TP63: variants seen among roughly 807,000 people sequenced by gnomAD.
TP63 encodes tumor protein p63.
In TP63, 17 loss-of-function variants were observed where a neutral mutation model predicts 82.8. That is an observed-to-expected ratio of 0.21 (90% CI 0.14 to 0.31). The LOEUF is 0.31. Ranked by LOEUF, TP63 falls within the 10% of genes least tolerant of loss-of-function variation. The pLI is 1.00. For missense variants in TP63, 648 were observed against 895.3 expected (o/e 0.72, Z 3.52); for synonymous variants, 330 against 321.7 (o/e 1.03, Z -0.28).
intron 1 of TP63, among the ~76,000 whole-genome samples, chr3:189,697,093 T>G (rs1186489869): frequency 6.6e-6 from 1 of 152,012 alleles, no homozygotes; most frequent in Non-Finnish European, 1.5e-5. Flanking sequence ...ATCTAAAAAT[T>G]TATTATCAAA....
chr3:189,625,641 C>T, the TP63 span, among the ~76,000 whole-genome samples: 3 of 151,972 alleles, frequency 2.0e-5, no homozygotes, highest in African/African-American at 7.3e-5. Flanking sequence ...AGGAAATACA[C>T]ACTGAGACAT....
chr3:189,869,891 G>A (rs1294105595), intron 9 of TP63, among the ~76,000 whole-genome samples: 1 of 152,106 alleles, frequency 6.6e-6, no homozygotes, highest in Non-Finnish European at 1.5e-5. Flanking sequence ...AGGGGAGACG[G>A]TTGAGAGCTG....
At chr3:189,781,229 A>G (rs933342519) in intron 3 of TP63, among the ~76,000 whole-genome samples, 1 of 152,214 alleles carries the variant, frequency 6.6e-6, no homozygotes, top group African/African-American at 2.4e-5. Flanking sequence ...CCATTTCTGT[A>G]TACTTAGGAT....
At chr3:189,752,989 A>C (rs1721933149) in intron 3 of TP63, among the ~76,000 whole-genome samples, 1 of 152,076 alleles carries the variant, frequency 6.6e-6, no homozygotes, top group African/African-American at 2.4e-5. Flanking sequence ...GCTTAATTTC[A>C]TTATGGTCAG....
At chr3:189,814,041 G>A (rs1245284561) in intron 4 of TP63, among the ~76,000 whole-genome samples, 2 of 152,184 alleles carry the variant, frequency 1.3e-5, no homozygotes, top group Non-Finnish European at 2.9e-5. Flanking sequence ...CCAGTTCCCG[G>A]GAGAGTTCCA....
At chr3:189,663,883 C>G (rs1053122347) in intron 1 of TP63, among the ~76,000 whole-genome samples, 1 of 151,994 alleles carries the variant, frequency 6.6e-6, no homozygotes, top group African/African-American at 2.4e-5. Flanking sequence ...AATTCACTTA[C>G]GCATTTAGCA....
chr3:189,646,791 G>T lies in TP63; in HGVS notation c.62+15214G>T, dbSNP rs574698782. Among the ~76,000 whole-genome samples the T allele has an allele frequency of 4.8e-4, 71 of 147,402 alleles. 7 individuals carry two copies. The highest frequency in any genetic ancestry group is 1.8e-3 in the African/African-American group (71 of 39,428). On this transcript the variant is annotated intron_variant, in intron 1 of 13. Transcript: ENST00000264731. ...GAAAAGCAAATAAATCTGGTTTGAG[G>T]CTACACGTAGTTGCTGGCCACACCC...
At chr3:189,626,648 G>A (rs2108597619), upstream of TP63, among the ~76,000 whole-genome samples, 1 of 152,260 alleles carries the variant, frequency 6.6e-6, no homozygotes, top group South Asian at 2.1e-4. Context: ...TCATGGTAGG[G>A]CCATCAGTCC....
chr3:189,798,175 A>G (rs991372413), intron 3 of TP63, among the ~76,000 whole-genome samples: 6 of 152,060 alleles, frequency 3.9e-5, no homozygotes, highest in African/African-American at 9.7e-5. Flanking sequence ...CTAGGAATAT[A>G]TGGTGTATTG....
At chr3:189,883,631 G>A (rs1159284001) in intron 10 of TP63, among the ~76,000 whole-genome samples, 1 of 152,132 alleles carries the variant, frequency 6.6e-6, no homozygotes, top group African/African-American at 2.4e-5. Context: ...GCTGTTACAT[G>A]ATCTCATTCT....
chr3:189,655,578 T>C (rs1007544718), intron 1 of TP63, among the ~76,000 whole-genome samples: 14 of 152,148 alleles, frequency 9.2e-5, no homozygotes, highest in Middle Eastern at 3.4e-3. Context: ...GGTGAGCTCA[T>C]GTCACTGGAC....
At chr3:189,622,732 A>G in the TP63 span, among the ~76,000 whole-genome samples, 1 of 152,224 alleles carries the variant, frequency 6.6e-6, no homozygotes, top group South Asian at 2.1e-4. Context: ...ATTACAGGCC[A>G]CAGCGGCTGA....
At chr3:189,874,518 A>G (rs1025670898) in intron 10 of TP63, among the ~76,000 whole-genome samples, 1 of 152,220 alleles carries the variant, frequency 6.6e-6, no homozygotes, top group African/African-American at 2.4e-5. Flanking sequence ...TGAGCATCCA[A>G]GATCCTTTTT....
chr3:189,829,233 C>G (rs1015662663), intron 4 of TP63, among the ~76,000 whole-genome samples: 3 of 152,254 alleles, frequency 2.0e-5, no homozygotes, highest in African/African-American at 7.2e-5. Flanking sequence ...GACCCAAGAC[C>G]CAACCATCTT....
intron 1 of TP63, among the ~76,000 whole-genome samples, chr3:189,680,783 G>A (rs993718364): frequency 6.6e-6 from 1 of 152,164 alleles, no homozygotes; most frequent in Non-Finnish European, 1.5e-5. Context: ...TGTGTCTATG[G>A]AGGCTGTCCT....
chr3:189,695,892 G>A (rs917234819), intron 1 of TP63, among the ~76,000 whole-genome samples: 16 of 152,176 alleles, frequency 1.1e-4, no homozygotes, highest in South Asian at 6.2e-4. Context: ...TTCATTTTAC[G>A]TTAAATTTTA....
chr3:189,633,113 A>G (rs1729561026), intron 1 of TP63, among the ~76,000 whole-genome samples: 1 of 152,088 alleles, frequency 6.6e-6, no homozygotes, highest in African/African-American at 2.4e-5. Flanking sequence ...AAATATAAAG[A>G]AATAGAGAAA....
At chr3:189,808,149 A>G in intron 3 of TP63, 123 bp from the exon 4 acceptor site, 1 of 1,523,682 alleles carries the variant, frequency 6.6e-7, no homozygotes, top group Non-Finnish European at 9.1e-7. Flanking sequence ...TTTACTTTGA[A>G]TGTGAAGTGC....
intron 4 of TP63, among the ~76,000 whole-genome samples, chr3:189,852,155 A>C (rs1257425158): frequency 6.6e-6 from 1 of 152,234 alleles, no homozygotes; most frequent in Admixed American, 6.5e-5. Flanking sequence ...AGTCCAATAA[A>C]TAAATGATGC....
Sources: gnomAD v4.1 joint callset for allele counts (sites outside exome capture counted in the v4.1 genomes callset) on GRCh38, gnomAD v4.1.1 for gene constraint, MANE v1.5 for transcripts, NCBI Gene and HGNC (gene_info 2026-07-23, HGNC 2026-07-21) for gene names.